Variants in RIF1 observed in about 807,000 individuals in gnomAD.
The protein encoded by RIF1 is telomere-associated protein RIF1.
Under a neutral mutation model 247.1 loss-of-function variants are expected in RIF1, and 45 were observed. The observed-to-expected ratio is 0.18, with a 90% CI of 0.14 to 0.23. RIF1 has a LOEUF of 0.23. Among genes scored for constraint, RIF1 ranks in the 10% least tolerant of loss-of-function variants. The pLI is 1.00. For missense variants in RIF1, 2,967 were observed against 2,862.5 expected, an observed-to-expected ratio of 1.04 and a Z score of -0.83; for synonymous variants, 1,087 against 978.8, an observed-to-expected ratio of 1.11 and a Z score of -2.06.
At chr2:151,508,252 G>A (rs2070917764), downstream of RIF1, 1 of 539,038 alleles carries the variant, frequency 1.9e-6, no homozygotes. Context: ...GGATGTTAGG[G>A]CATCGCAAGG....
chr2:151,457,047 T>C (rs888027598), intron 23 of RIF1, among the ~76,000 whole-genome samples: 2 of 152,124 alleles, frequency 1.3e-5, no homozygotes, highest in Non-Finnish European at 2.9e-5. Context: ...TCTTCATTTT[T>C]AATGGACATT....
At chr2:151,502,803 T>G in intron 11 of RIF1, 1 of 1,599,936 alleles carries the variant, frequency 6.3e-7, no homozygotes, top group East Asian at 2.2e-5. Flanking sequence ...CGAGCTAAAG[T>G]TCTCTTGATT....
At chr2:151,423,177 A>C (rs1688458600) in intron 8 of RIF1, 135 bp downstream of exon 8, 1 of 599,794 alleles carries the variant, frequency 1.7e-6, no homozygotes, top group Non-Finnish European at 2.9e-6. Context: ...CTACTCACTA[A>C]AATTTATTTG....
intron 12 of RIF1, chr2:151,503,238 CACAG>C (rs1472494538): frequency 1.3e-6 from 1 of 790,964 alleles, no homozygotes; most frequent in Non-Finnish European, 2.1e-6. Context: ...ACACAACACA[CACAG>C]ACACACACAG....
chr2:151,494,734 C>T (rs1019886920), intron 9 of RIF1, among the ~76,000 whole-genome samples: 55 of 152,152 alleles, frequency 3.6e-4, no homozygotes, highest in Admixed American at 2.3e-3. Context: ...CTGCAACCTC[C>T]GCCTCCCGGG....
chr2:151,518,947 G>A, the RIF1 span: 1 of 1,564,888 alleles, frequency 6.4e-7, no homozygotes, highest in Non-Finnish European at 8.8e-7. Flanking sequence ...TGTTTCTGGA[G>A]CAAATGACTG....
At chr2:151,416,309 T>C (rs1052322262) in intron 4 of RIF1, among the ~76,000 whole-genome samples, 1 of 152,206 alleles carries the variant, frequency 6.6e-6, no homozygotes, top group African/African-American at 2.4e-5. Flanking sequence ...TACAGTGATA[T>C]CTAGTTATTT....
the RIF1 span, chr2:151,514,227 T>C: frequency 1.2e-6 from 1 of 840,578 alleles, no homozygotes; most frequent in Non-Finnish European, 2.0e-6. Flanking sequence ...TTCTCTGTTC[T>C]CTGTTTTTGT....
In RIF1 at chr2:151,480,232, G is replaced by GA. The variant is rs1420227335; in HGVS notation, c.*5168dup. Reference sequence around the variant, plus strand: ...TTTCCATTGTTGATGTCACAAGTAAGAAAAAAACTCTAACTTTTGTACTCT... The same window carrying GA: ...TTTCCATTGTTGATGTCACAAGTAAGAAAAAAAACTCTAACTTTTGTACTCT... On this transcript the variant is annotated 3_prime_UTR_variant, in exon 36 of 36. Coordinates refer to ENST00000444746, the MANE Select transcript of RIF1 (RefSeq NM_018151.5). 6.6e-6 allele frequency: 1 copy of GA among 152,068 alleles called. No homozygotes were observed. Among genetic ancestry groups the GA allele is most frequent in the Non-Finnish European group, 1.5e-5 (1 of 67,974 alleles). 9.4% of individuals were successfully genotyped at this position (152,068 alleles called of 1,614,324 possible).
At position 151,493,710 on chromosome 2, in the gene RIF1, G is replaced by C. The variant is rs563269120; in HGVS notation, c.*416-1519G>C. 42 of 1,201,652 alleles carry C rather than the reference G, an allele frequency of 3.5e-5. 1 individual carries two copies. In the Middle Eastern group the frequency reaches 5.7e-3, roughly 164 times the overall value. 74.4% of individuals were successfully genotyped at this position (1,201,652 alleles called of 1,614,324 possible). On this transcript the variant is annotated intron_variant and NMD_transcript_variant, in intron 9 of 13. Coordinates refer to the RIF1 transcript ENST00000454583. ...TTTGGAAAAACTGTAAGATAAATTA[G>C]TGGTACAACCATGTTTGCCAGGGCT...
chr2:151,461,831 T>C (rs1428441740), intron 27 of RIF1, among the ~76,000 whole-genome samples: 1 of 152,132 alleles, frequency 6.6e-6, no homozygotes, highest in East Asian at 1.9e-4. Context: ...AGGTCATGAT[T>C]TTATAACAAT....
At chr2:151,501,365 G>GAGTT (rs1409138467) in intron 11 of RIF1, 1 of 1,374,064 alleles carries the variant, frequency 7.3e-7, no homozygotes, top group Admixed American at 2.0e-5. Flanking sequence ...TTTTAATATG[G>GAGTT]AGTTAAAGAG....
chr2:151,421,542 C>T (rs906264275), intron 7 of RIF1, among the ~76,000 whole-genome samples: 2 of 152,162 alleles, frequency 1.3e-5, no homozygotes, highest in Non-Finnish European at 2.9e-5. Flanking sequence ...TGGATTTTTA[C>T]TCTAGATTAC....
At chr2:151,466,594 T>C (rs1696933104) in intron 30 of RIF1, among the ~76,000 whole-genome samples, 1 of 152,234 alleles carries the variant, frequency 6.6e-6, no homozygotes, top group African/African-American at 2.4e-5. Context: ...GATGTGATCT[T>C]ATTTAGTTAT....
chr2:151,446,384 G>A, intron 19 of RIF1, 42 bp from the exon 20 acceptor site: 2 of 1,538,078 alleles, frequency 1.3e-6, no homozygotes, highest in Non-Finnish European at 1.8e-6. Flanking sequence ...TTGATAGATA[G>A]GTATATATTA....
downstream of RIF1, chr2:151,512,692 T>G: frequency 3.7e-6 from 5 of 1,340,120 alleles, no homozygotes; most frequent in Non-Finnish European, 4.3e-6. Context: ...CATTCTTTCA[T>G]GATTGGGGTT....
At chr2:151,433,524 G>A (rs893330273) in intron 10 of RIF1, among the ~76,000 whole-genome samples, 1 of 151,884 alleles carries the variant, frequency 6.6e-6, no homozygotes, top group East Asian at 1.9e-4. Flanking sequence ...GCACGATCTC[G>A]GCTCACTGCA....
intron 27 of RIF1, 47 bp downstream of exon 27, chr2:151,461,336 A>T: frequency 6.4e-7 from 1 of 1,557,778 alleles, no homozygotes; most frequent in African/African-American, 1.4e-5. Flanking sequence ...ATTCAGGCTT[A>T]GATTTCATGC....
chr2:151,486,211 A>G, downstream of RIF1: 1 of 321,462 alleles, frequency 3.1e-6, no homozygotes, highest in Non-Finnish European at 5.8e-6. Context: ...ACATTTCTCC[A>G]AAAAAGATAG....
Sources: allele counts gnomAD v4.1 joint callset (sites outside exome capture counted in the v4.1 genomes callset), GRCh38; gene constraint gnomAD v4.1.1; transcripts MANE v1.5; gene names NCBI Gene and HGNC (gene_info 2026-07-23, HGNC 2026-07-21).